Variants in VPS13A observed in about 807,000 individuals in gnomAD.
The protein encoded by VPS13A is intermembrane lipid transfer protein VPS13A.
In VPS13A, 264 loss-of-function variants were observed where a neutral mutation model predicts 390.9. The ratio of observed to expected loss-of-function variants is 0.68; its 90% CI spans 0.61 to 0.75. The LOEUF is 0.75. Ranked by LOEUF, VPS13A falls within the 30% of genes least tolerant of loss-of-function variation. VPS13A has a pLI of 0.00. For missense variants in VPS13A, 3,409 were observed against 3,733.9 expected (o/e 0.91, Z 2.27); for synonymous variants, 1,231 against 1,227.1 (o/e 1.00, Z -0.07).
intron 71 of VPS13A, among the ~76,000 whole-genome samples, chr9:77,408,152 G>GGTGT: frequency 6.6e-6 from 1 of 152,294 alleles, no homozygotes; most frequent in South Asian, 2.1e-4. Context: ...TGAAAAGCAT[G>GGTGT]GTGTGTACTT....
chr9:77,391,412 G>A (rs1275085069), intron 68 of VPS13A, among the ~76,000 whole-genome samples: 4 of 152,098 alleles, frequency 2.6e-5, no homozygotes, highest in Non-Finnish European at 5.9e-5. Context: ...CAGATTAGAG[G>A]CCTCTTTTCA....
At chr9:77,358,289 A>G in intron 56 of VPS13A, 68 bp from the exon 57 acceptor site, 3 of 1,356,362 alleles carry the variant, frequency 2.2e-6, no homozygotes, top group Non-Finnish European at 3.2e-6. Context: ...TTGTTCCTCA[A>G]ATCCTGTTAT....
At chr9:77,293,163 T>C (rs1327311202) in intron 31 of VPS13A, among the ~76,000 whole-genome samples, 178 bp from the exon 32 acceptor site, 1 of 152,210 alleles carries the variant, frequency 6.6e-6, no homozygotes. Flanking sequence ...TTGTAAAAGT[T>C]TGTAGTGTAG....
At chr9:77,238,482 T>G in intron 19 of VPS13A, 96 bp downstream of exon 19, 1 of 956,830 alleles carries the variant, frequency 1.0e-6, no homozygotes, top group Non-Finnish European at 1.6e-6. Context: ...TATTTTAAAT[T>G]TATTATATTT....
chr9:77,357,339 A>G (rs992226357), intron 55 of VPS13A, among the ~76,000 whole-genome samples: 26 of 147,892 alleles, frequency 1.8e-4, no homozygotes, highest in African/African-American at 4.4e-4. Context: ...AAAAAAAAAA[A>G]AAAGAAAAGA....
At chr9:77,355,452 G>C (rs1831721186) in intron 54 of VPS13A, among the ~76,000 whole-genome samples, 1 of 152,114 alleles carries the variant, frequency 6.6e-6, no homozygotes, top group African/African-American at 2.4e-5. Flanking sequence ...TAAATGCCTT[G>C]AGGCTCTTAG....
In VPS13A at chr9:77,373,452, G is replaced by T. The variant is rs1193165418; in HGVS notation, c.9077+2303G>T. Among the ~76,000 whole-genome samples the T allele has an allele frequency of 5.6e-5, 7 of 125,066 alleles. 1 individual carries two copies. Among genetic ancestry groups the T allele is most frequent in the African/African-American group, 2.0e-4 (7 of 35,502 alleles). 82.0% of individuals were successfully genotyped at this position (125,066 alleles called of 152,430 possible). ...AGCCATATGTAGAAAGCTGAAACTG[G>T]ATCCCTTCCTTACACCTTATACAAA... On this transcript the variant is annotated intron_variant, in intron 67 of 71. Coordinates refer to ENST00000360280, the MANE Select transcript of VPS13A (RefSeq NM_033305.3).
intron 71 of VPS13A, among the ~76,000 whole-genome samples, chr9:77,414,637 T>C (rs1204547324): frequency 6.6e-6 from 1 of 151,718 alleles, no homozygotes. Context: ...ATACCTAATG[T>C]TAAATGACGA....
At chr9:77,280,578 T>C (rs531005958) in intron 27 of VPS13A, among the ~76,000 whole-genome samples, 2 of 152,254 alleles carry the variant, frequency 1.3e-5, no homozygotes, top group Non-Finnish European at 2.9e-5. Flanking sequence ...TCACTTTCTT[T>C]TCCACTGTTT....
At position 77,252,339 on chromosome 9, in the gene VPS13A, G is replaced by A. The variant is rs753254403; in HGVS notation, c.2275G>A (p.Val759Ile). 3.1e-6 allele frequency: 5 copies of A among 1,612,376 alleles called. No homozygotes were observed. In the African/African-American group the frequency reaches 4.0e-5, roughly 13 times the overall value. Residue 759 changes from valine (V) to isoleucine (I), a missense_variant, in exon 22 of 72, where the codon GTA becomes ATA. By Grantham distance (29) the Val-to-Ile change is conservative. Transcript: ENST00000360280. Reference protein sequence around the residue: ...ELSKAMVFMDVRMPKFKIYGK... With the variant: ...ELSKAMVFMDIRMPKFKIYGK... ...GTCTAAGGCCATGGTTTTCATGGAT[G>A]TAAGGATGCCCAAGTATGTACTGTT...
At chr9:77,346,953 A>G (rs916402339) in intron 52 of VPS13A, among the ~76,000 whole-genome samples, 7 of 152,102 alleles carry the variant, frequency 4.6e-5, no homozygotes, top group Admixed American at 2.6e-4. Context: ...TCCTTTCCCT[A>G]CTTCATGTTT....
At chr9:77,404,321 AGTTTT>A (rs1472460934) in intron 69 of VPS13A, among the ~76,000 whole-genome samples, 1 of 152,142 alleles carries the variant, frequency 6.6e-6, no homozygotes, top group Non-Finnish European at 1.5e-5. Context: ...TTATGTACTT[AGTTTT>A]AATTTTTCAC....
At chr9:77,363,393 TTTTTTTTTTTA>T (rs1789699180) in intron 59 of VPS13A, among the ~76,000 whole-genome samples, 1 of 100,574 alleles carries the variant, frequency 9.9e-6, no homozygotes, top group South Asian at 4.2e-4. Context: ...TACATTAATT[TTTTTTTTTTTA>T]TTTTTTTTTT....
chr9:77,243,282 G>A (rs892879816), intron 19 of VPS13A, among the ~76,000 whole-genome samples: 1 of 152,052 alleles, frequency 6.6e-6, no homozygotes, highest in African/African-American at 2.4e-5. Flanking sequence ...TTACTTACTT[G>A]TTGAACATCC....
At chr9:77,402,799 T>G (rs963794545) in intron 68 of VPS13A, among the ~76,000 whole-genome samples, 1 of 152,168 alleles carries the variant, frequency 6.6e-6, no homozygotes, top group Non-Finnish European at 1.5e-5. Context: ...GAAAAGCATA[T>G]TTGTTACATA....
At chr9:77,232,370 A>T (rs1464306961) in intron 17 of VPS13A, among the ~76,000 whole-genome samples, 2 of 152,212 alleles carry the variant, frequency 1.3e-5, no homozygotes, top group Admixed American at 6.5e-5. Context: ...CCATAATAAC[A>T]ATATTAAGTC....
chr9:77,199,404 T>C (rs759790728), intron 1 of VPS13A, among the ~76,000 whole-genome samples: 1 of 152,206 alleles, frequency 6.6e-6, no homozygotes, highest in Non-Finnish European at 1.5e-5. Flanking sequence ...CCTAATGTTA[T>C]AGCAGTGTAT....
At chr9:77,365,854 T>G (rs1225244586) in intron 60 of VPS13A, among the ~76,000 whole-genome samples, 1 of 152,112 alleles carries the variant, frequency 6.6e-6, no homozygotes, top group Non-Finnish European at 1.5e-5. Context: ...TTGCATATGA[T>G]GATTTGTGTA....
At chr9:77,297,615 C>A (rs1457257352) in intron 33 of VPS13A, among the ~76,000 whole-genome samples, 2 of 151,030 alleles carry the variant, frequency 1.3e-5, no homozygotes, top group Non-Finnish European at 2.9e-5. Flanking sequence ...GAGTGTTAAA[C>A]CATTCATGTT....
Sources: allele counts gnomAD v4.1 joint callset (sites outside exome capture counted in the v4.1 genomes callset), GRCh38; gene constraint gnomAD v4.1.1; transcripts MANE v1.5; gene names NCBI Gene and HGNC (gene_info 2026-07-23, HGNC 2026-07-21).